The following SLC6A4 variants were observed in gnomAD, a reference collection of about 807,000 sequenced individuals.
The protein encoded by SLC6A4 is sodium-dependent serotonin transporter.
Under a neutral mutation model 73.4 loss-of-function variants are expected in SLC6A4, and 22 were observed. That is an observed-to-expected ratio of 0.30 (90% confidence interval 0.21 to 0.43). The LOEUF (loss-of-function observed/expected upper bound fraction) is 0.43. SLC6A4 is among the 20% of genes least tolerant of loss of function. SLC6A4 has a pLI of 1.00. For synonymous variants in SLC6A4, 270 were observed against 315.5 expected, an observed-to-expected ratio of 0.86 and a Z score of 1.53; for missense variants, 593 against 808.5, an observed-to-expected ratio of 0.73 and a Z score of 3.23.
intron 6 of SLC6A4, 21 bp downstream of exon 6, chr17:30,217,145 A>T: frequency 6.2e-7 from 1 of 1,609,928 alleles, no homozygotes; most frequent in Non-Finnish European, 8.5e-7. Context: ...GGCCTGGGTC[A>T]GCAGCCAGAG....
At chr17:30,221,106 A>C (rs1906734555) in intron 3 of SLC6A4, among the ~76,000 whole-genome samples, 1 of 149,040 alleles carries the variant, frequency 6.7e-6, no homozygotes, top group African/African-American at 2.5e-5. Flanking sequence ...CCTCCCAAGT[A>C]GCTGGGACTA....
intron 1 of SLC6A4, among the ~76,000 whole-genome samples, chr17:30,233,410 A>T (rs1247967314): frequency 6.6e-6 from 1 of 152,132 alleles, no homozygotes; most frequent in Non-Finnish European, 1.5e-5. Flanking sequence ...GGGTTAACTT[A>T]CTTACATGTG....
chr17:30,208,672 G>T (rs530132143), intron 12 of SLC6A4, among the ~76,000 whole-genome samples: 3 of 150,916 alleles, frequency 2.0e-5, no homozygotes, highest in Non-Finnish European at 2.9e-5. Context: ...TGCAAAAGTG[G>T]TTTATTTTTG....
At chr17:30,208,083 C>T (rs911466921) in intron 12 of SLC6A4, among the ~76,000 whole-genome samples, 2 of 152,080 alleles carry the variant, frequency 1.3e-5, no homozygotes, top group African/African-American at 2.4e-5. Context: ...ATTTTTATAG[C>T]AAGCAAGACT....
rs775018817 is a variant in SLC6A4 at position 30,203,156 on chromosome 17, A to C, written c.1818+16T>G. On this transcript the variant is annotated intron_variant, in intron 14 of 14. Coordinates refer to ENST00000650711, the MANE Select transcript of SLC6A4 (RefSeq NM_001045.6). ...GTAGTCTGAACACACACATATACAC[A>C]CTAACTAGCACGTACCTCTTTAAAT... 4 of 1,598,886 alleles carry C rather than the reference A, an allele frequency of 2.5e-6. No individual in the cohort carries two copies. The highest frequency in any genetic ancestry group is 3.4e-6 in the Non-Finnish European group (4 of 1,166,756).
intron 1 of SLC6A4, among the ~76,000 whole-genome samples, chr17:30,234,610 A>G (rs1907215396): frequency 1.3e-5 from 2 of 152,198 alleles, no homozygotes; most frequent in African/African-American, 4.8e-5. Context: ...GTTTCATTAA[A>G]CACAAGTCCC....
chr17:30,225,010 T>C (rs1216176825), intron 1 of SLC6A4, among the ~76,000 whole-genome samples: 1 of 152,120 alleles, frequency 6.6e-6, no homozygotes, highest in Non-Finnish European at 1.5e-5. Context: ...CTTAATTTTT[T>C]AATTAAAAAA....
At chr17:30,217,338 G>A (rs1324002593) in intron 5 of SLC6A4, 34 bp from the exon 6 acceptor site, 2 of 1,600,988 alleles carry the variant, frequency 1.2e-6, no homozygotes, top group Admixed American at 1.7e-5. Context: ...CCCCTGAGAG[G>A]CTCTGTAGAG....
intron 13 of SLC6A4, 80 bp from the exon 14 acceptor site, chr17:30,203,419 C>A: frequency 8.5e-7 from 1 of 1,174,428 alleles, no homozygotes; most frequent in Non-Finnish European, 1.2e-6. Context: ...CCACAAACAC[C>A]AAATGCTAAA....
At chr17:30,203,680 C>T (rs1472123565) in intron 13 of SLC6A4, 1 of 241,688 alleles carries the variant, frequency 4.1e-6, no homozygotes, top group Non-Finnish European at 8.1e-6. Flanking sequence ...GACTGGCAAC[C>T]TTGAGAGTAA....
At position 30,208,992 on chromosome 17, in the gene SLC6A4, G is replaced by C. The variant is rs757443808; in HGVS notation, c.1549+151C>G. ...GCTGGGATTACAGGCGTGAGCCACCGCGCCTGGCCGAGACTCTTTTACAGA... is the reference window on the plus strand; with the variant it reads ...GCTGGGATTACAGGCGTGAGCCACCCCGCCTGGCCGAGACTCTTTTACAGA... On this transcript the variant is annotated intron_variant, in intron 12 of 14. Transcript: ENST00000650711. 4.6e-4 allele frequency: 214 copies of C among 467,228 alleles called. No homozygotes were observed. The East Asian group carries it at 8.1e-3, about 18-fold the overall frequency. 28.9% of individuals were successfully genotyped at this position (467,228 alleles called of 1,614,324 possible).
intron 4 of SLC6A4, 21 bp downstream of exon 4, chr17:30,218,776 C>T (rs1190804774): frequency 1.2e-6 from 2 of 1,613,022 alleles, no homozygotes; most frequent in Non-Finnish European, 1.7e-6. Context: ...ACTTACCCAC[C>T]CCACCGAGCC....
chr17:30,218,781 C>A lies in SLC6A4; in HGVS notation c.478+16G>T, dbSNP rs1257166133. On this transcript the variant is annotated intron_variant, in intron 4 of 14. Coordinates refer to ENST00000650711, the MANE Select transcript of SLC6A4 (RefSeq NM_001045.6). ...GAGAGGCTCCACTTACCCACCCCAC[C>A]GAGCCCTTCAGTTACCTTTGAAAAT... 1.2e-6 allele frequency: 2 copies of A among 1,613,590 alleles called. No individual in the cohort carries two copies. Among genetic ancestry groups the A allele is most frequent in the South Asian group, 1.1e-5 (1 of 91,020 alleles).
intron 7 of SLC6A4, 142 bp downstream of exon 7, chr17:30,215,940 C>T: frequency 1.3e-6 from 1 of 798,766 alleles, no homozygotes. Flanking sequence ...TACTTTAATG[C>T]TTGTATTTCT....
chr17:30,205,500 G>C (rs1906164708), intron 13 of SLC6A4, among the ~76,000 whole-genome samples: 1 of 152,086 alleles, frequency 6.6e-6, no homozygotes, highest in African/African-American at 2.4e-5. Flanking sequence ...TGGTAGGATG[G>C]GCTAGGCGAT....
At chr17:30,216,267 G>GA in intron 6 of SLC6A4, 51 bp from the exon 7 acceptor site, 1 of 716,618 alleles carries the variant, frequency 1.4e-6, no homozygotes, top group Non-Finnish European at 2.0e-6. Context: ...GGGAGGGGAG[G>GA]GGAGGGGAGA....
At chr17:30,228,571 T>C (rs1355841090) in intron 1 of SLC6A4, among the ~76,000 whole-genome samples, 5 of 152,154 alleles carry the variant, frequency 3.3e-5, no homozygotes, top group African/African-American at 4.8e-5. Context: ...CTCCCAGAGA[T>C]TCTAATTCAA....
At chr17:30,203,865 G>T (rs1365738780) in intron 13 of SLC6A4, among the ~76,000 whole-genome samples, 1 of 152,242 alleles carries the variant, frequency 6.6e-6, no homozygotes, top group Admixed American at 6.5e-5. Context: ...AGATAAGAAG[G>T]TTCTCAAGAC....
At chr17:30,198,627 CTT>C in intron 14 of SLC6A4, 97 bp from the exon 15 acceptor site, 1 of 673,792 alleles carries the variant, frequency 1.5e-6, no homozygotes, top group Non-Finnish European at 2.6e-6. Flanking sequence ...TTAAATAACA[CTT>C]TAATAACATC....
Sources: allele counts gnomAD v4.1 joint callset (sites outside exome capture counted in the v4.1 genomes callset), GRCh38; gene constraint gnomAD v4.1.1; transcripts MANE v1.5; gene names NCBI Gene and HGNC (gene_info 2026-07-23, HGNC 2026-07-21).